The following CELF2 variants were observed in gnomAD, a reference collection of about 807,000 sequenced individuals.
CELF2 encodes CUG triplet repeat RNA-binding protein 2.
Under a neutral mutation model 62.6 loss-of-function variants are expected in CELF2, and 8 were observed. That is an observed-to-expected ratio of 0.13 (90% CI 0.07 to 0.23). The LOEUF (loss-of-function observed/expected upper bound fraction) is 0.23. Among genes scored for constraint, CELF2 ranks in the 10% least tolerant of loss-of-function variants. The pLI is 1.00. For missense variants in CELF2, 333 were observed against 671.0 expected, an observed-to-expected ratio of 0.50 and a Z score of 5.56; for synonymous variants, 258 against 250.0, an observed-to-expected ratio of 1.03 and a Z score of -0.30.
chr10:11,332,736 A>G lies in CELF2; in HGVS notation c.*3683A>G, dbSNP rs2096052698. ...CCTGGGATGGAAAGGACTAGCCTCT[A>G]CTGATGCAAAAAAACAAAAAGCAAC... On this transcript the variant is annotated 3_prime_UTR_variant, in exon 13 of 13. Transcript: ENST00000633077. The G allele has an allele frequency of 6.6e-6, 1 of 152,166 alleles. No homozygotes were observed. Among genetic ancestry groups the G allele is most frequent in the Non-Finnish European group, 1.5e-5 (1 of 68,074 alleles). 9.4% of individuals were successfully genotyped at this position (152,166 alleles called of 1,614,324 possible). A position where few individuals can be genotyped will look rare whatever the true frequency, so the allele number is the denominator to read the frequency against.
chr10:10,697,479 G>A, the CELF2 span, among the ~76,000 whole-genome samples: 1 of 152,180 alleles, frequency 6.6e-6, no homozygotes, highest in East Asian at 1.9e-4. Flanking sequence ...ATCTTAGTCT[G>A]TTCGGGCTGC....
At chr10:10,768,026 C>T in the CELF2 span, among the ~76,000 whole-genome samples, 81 of 137,464 alleles carry the variant, frequency 5.9e-4, no homozygotes, top group Non-Finnish European at 6.1e-4. Context: ...ATTAGCCAGG[C>T]GTGGTGACGG....
the CELF2 span, among the ~76,000 whole-genome samples, chr10:10,764,306 A>T: frequency 6.6e-6 from 1 of 152,268 alleles, no homozygotes; most frequent in African/African-American, 2.4e-5. Flanking sequence ...TCAAAAAAAC[A>T]TACTTTCTGC....
chr10:11,146,525 G>T (rs1272408835), intron 1 of CELF2, among the ~76,000 whole-genome samples: 1 of 152,172 alleles, frequency 6.6e-6, no homozygotes, highest in Non-Finnish European at 1.5e-5. Context: ...TGTGTGGCCT[G>T]TCTGTGGTCA....
intron 1 of CELF2, among the ~76,000 whole-genome samples, chr10:11,040,096 A>G (rs1229751448): frequency 6.6e-6 from 1 of 152,180 alleles, no homozygotes; most frequent in Non-Finnish European, 1.5e-5. Flanking sequence ...TGATCATGGG[A>G]CCACATGATT....
At chr10:10,899,109 A>C (rs2134062407) in intron 1 of CELF2, among the ~76,000 whole-genome samples, 1 of 152,242 alleles carries the variant, frequency 6.6e-6, no homozygotes, top group East Asian at 1.9e-4. Context: ...TTAGCTCTAA[A>C]CCTCTATGGT....
Position 11,249,164 on chromosome 10 carries a change from C to A in CELF2, c.366C>A (p.Pro122=). 1 of 1,613,504 alleles carries A rather than the reference C, an allele frequency of 6.2e-7. No individual in the cohort carries two copies. Among genetic ancestry groups the A allele is most frequent in the South Asian group, 1.1e-5 (1 of 91,058 alleles). Residue 122 remains proline, a synonymous_variant, in exon 4 of 13, where the codon CCC becomes CCA. Coordinates refer to ENST00000633077, the MANE Select transcript of CELF2 (RefSeq NM_001326342.2). The stretch of plus-strand genomic sequence containing the variant: ...TTTTGTGTTTTTAGATGCATCATCC[C>A]ATTCAGATGAAACCTGCAGATAGTG... ...NIKTLPGMHH[P]IQMKPADSEK...
intron 1 of CELF2, among the ~76,000 whole-genome samples, chr10:10,808,326 G>A (rs1323971779): frequency 6.6e-6 from 1 of 152,090 alleles, no homozygotes; most frequent in African/African-American, 2.4e-5. Flanking sequence ...ACCTGGGGAA[G>A]GTTAAACATT....
chr10:10,694,552 A>G, the CELF2 span, among the ~76,000 whole-genome samples: 5 of 152,062 alleles, frequency 3.3e-5, no homozygotes, highest in African/African-American at 1.2e-4. Flanking sequence ...GCTGAGTTCA[A>G]TTCCTGGGTA....
Position 11,244,610 on chromosome 10 carries a change from A to C in CELF2, c.355-4543A>C, listed in dbSNP as rs915820997. On this transcript the variant is annotated intron_variant, in intron 3 of 12. Transcript: ENST00000633077. This position sits in a 1 kb window ranked among gnomAD's most constrained non-coding sequence, Gnocchi z 4.2. ...GCAGAGCTTTCAGTGAGCCGAGATCATGCCACTGCACTCCATCCAGCCTAG... is the reference window on the plus strand; with the variant it reads ...GCAGAGCTTTCAGTGAGCCGAGATCCTGCCACTGCACTCCATCCAGCCTAG... Among the ~76,000 whole-genome samples, 2 of 151,078 alleles carry C rather than the reference A, an allele frequency of 1.3e-5. No individual in the cohort carries two copies. The highest frequency in any genetic ancestry group is 2.9e-5 in the Non-Finnish European group (2 of 67,840).
chr10:10,734,726 C>T, the CELF2 span, among the ~76,000 whole-genome samples: 1 of 152,164 alleles, frequency 6.6e-6, no homozygotes, highest in Non-Finnish European at 1.5e-5. Flanking sequence ...CTATTGTGGT[C>T]ATAATACTTC....
Position 11,046,397 on chromosome 10 carries a change from G to C in CELF2, c.74+28234G>C, listed in dbSNP as rs1301692323. 6.6e-6 allele frequency among the ~76,000 whole-genome samples: 1 copy of C among 152,228 alleles called. No individual in the cohort carries two copies. Among genetic ancestry groups the C allele is most frequent in the Non-Finnish European group, 1.5e-5 (1 of 68,042 alleles). ...ACGACTTGGCCCAGAGTTGGGCACA[G>C]AGTATGCCCTCAATAAGTACTTGTT... On this transcript the variant is annotated intron_variant, in intron 1 of 12. Transcript: ENST00000633077. The surrounding 1 kb of genome is among the most constrained non-coding windows in gnomAD (Gnocchi z 4.6).
chr10:11,198,553 G>T (rs1398958346), intron 2 of CELF2, among the ~76,000 whole-genome samples: 3 of 152,196 alleles, frequency 2.0e-5, no homozygotes, highest in African/African-American at 4.8e-5. Context: ...TGAAAATAAG[G>T]ATATTGATGC....
At chr10:10,978,575 T>C (rs1023901005) in intron 2 of CELF2, among the ~76,000 whole-genome samples, 1 of 152,176 alleles carries the variant, frequency 6.6e-6, no homozygotes, top group Non-Finnish European at 1.5e-5. Flanking sequence ...TCCAGAATAA[T>C]TGGTAATGAA....
intron 4 of CELF2, among the ~76,000 whole-genome samples, chr10:11,254,728 A>G (rs562378604): frequency 1.3e-5 from 2 of 152,344 alleles, no homozygotes; most frequent in African/African-American, 4.8e-5. Flanking sequence ...TGTTTAAAAG[A>G]ACTAAAACCA....
intron 1 of CELF2, among the ~76,000 whole-genome samples, chr10:11,053,691 T>TGCAA (rs1197382989): frequency 6.7e-6 from 1 of 148,740 alleles, no homozygotes; most frequent in African/African-American, 2.5e-5. Context: ...CTCCACTCAC[T>TGCAA]GCAAGCTCCG....
intron 2 of CELF2, among the ~76,000 whole-genome samples, chr10:11,212,173 T>A (rs1239310084): frequency 6.6e-6 from 1 of 152,282 alleles, no homozygotes; most frequent in East Asian, 1.9e-4. Flanking sequence ...TTTCAGGGAA[T>A]CTGGGCGTCA....
At chr10:10,864,512 G>C (rs1043336709) in intron 1 of CELF2, among the ~76,000 whole-genome samples, 8 of 152,140 alleles carry the variant, frequency 5.3e-5, no homozygotes, top group African/African-American at 1.9e-4. Flanking sequence ...GGAAGTCCAA[G>C]ATCAAGGTAC....
chr10:10,462,615 C>CTTTTTTTTTTTTTTTTTTTTTTTTTCT, the CELF2 span, among the ~76,000 whole-genome samples: 1 of 69,414 alleles, frequency 1.4e-5, no homozygotes, highest in Non-Finnish European at 2.5e-5. Context: ...TTTTTTTCAT[C>CTTTTTTTTTTTTTTTTTTTTTTTTTCT]TTTTTTTTTT....
Sources: gnomAD v4.1 joint callset for allele counts (sites outside exome capture counted in the v4.1 genomes callset) on GRCh38, gnomAD v4.1.1 for gene constraint, Gnocchi (gnomAD v3.1) non-coding constraint, MANE v1.5 for transcripts, NCBI Gene and HGNC (gene_info 2026-07-23, HGNC 2026-07-21) for gene names.